ALDH2: variants seen among roughly 807,000 people sequenced by gnomAD.
The protein encoded by ALDH2 is aldehyde dehydrogenase, mitochondrial.
In ALDH2, 44 loss-of-function variants were observed where a neutral mutation model predicts 59.6. The observed-to-expected ratio is 0.74, with a 90% confidence interval of 0.58 to 0.95. The LOEUF (loss-of-function observed/expected upper bound fraction) is 0.95. ALDH2 is among the 40% of genes least tolerant of loss of function. The pLI is 0.00. For missense variants in ALDH2, 570 were observed against 696.3 expected (o/e 0.82, Z 2.04); for synonymous variants, 291 against 284.0 (o/e 1.02, Z -0.25).
Position 111,809,574 on chromosome 12 carries a change from A to G in ALDH2, c.1553A>G (p.Ter518=), listed in dbSNP as rs1401445465. ...VTVKVPQKNS[*] ...GTCAAAGTGCCTCAGAAGAACTCAT[A>G]AGAATCATGCAAGCTTCCTCCCTCA... Residue 518 remains the stop codon, a stop_retained_variant, in exon 13 of 13, where the codon TAA becomes TGA. Coordinates refer to ENST00000261733, the MANE Select transcript of ALDH2 (RefSeq NM_000690.4). 6.2e-7 allele frequency: 1 copy of G among 1,614,168 alleles called. No homozygotes were observed.
chr12:111,776,329 T>G (rs1476557568), intron 1 of ALDH2, among the ~76,000 whole-genome samples: 6 of 152,174 alleles, frequency 3.9e-5, no homozygotes, highest in Non-Finnish European at 8.8e-5. Flanking sequence ...CAGGACCCCC[T>G]GCGGGCAAGG....
Position 111,807,285 on chromosome 12 carries a change from GA to G in ALDH2, c.1522-2247del, listed in dbSNP as rs1434243616. On this transcript the variant is annotated intron_variant, in intron 12 of 12. Transcript: ENST00000261733. ...CTCAAAAACAAAACAAAACAAAACG[GA>G]AAAAAAAAAACAGTAGAATGAGCCT... 6.7e-3 allele frequency among the ~76,000 whole-genome samples: 953 copies of G among 142,762 alleles called. 13 individuals are homozygous for G. The highest frequency in any genetic ancestry group is 0.022 in the African/African-American group (855 of 39,164). 93.7% of individuals were successfully genotyped at this position (142,762 alleles called of 152,430 possible). A position where few individuals can be genotyped will look rare whatever the true frequency, so the allele number is the denominator to read the frequency against.
chr12:111,771,576 A>C (rs2068200238), intron 1 of ALDH2, among the ~76,000 whole-genome samples: 1 of 152,232 alleles, frequency 6.6e-6, no homozygotes, highest in African/African-American at 2.4e-5. Context: ...TGTATCTCAA[A>C]AACAATATGT....
intron 11 of ALDH2, among the ~76,000 whole-genome samples, chr12:111,800,311 A>G (rs2068441124): frequency 6.6e-6 from 1 of 152,246 alleles, no homozygotes; most frequent in Admixed American, 6.5e-5. Context: ...CAGCTGCCTC[A>G]GGGCAGGAGA....
At position 111,816,740 on chromosome 12, in the gene ALDH2, T is replaced by C. The variant is rs1303586918; in HGVS notation, c.*7165T>C. 6.6e-6 allele frequency: 1 copy of C among 152,176 alleles called. No homozygotes were observed. Among genetic ancestry groups the C allele is most frequent in the Non-Finnish European group, 1.5e-5 (1 of 68,028 alleles). The allele number at this position is 152,176 out of a possible 1,614,324, so 9.4% of individuals were successfully genotyped here. A position where few individuals can be genotyped will look rare whatever the true frequency, so the allele number is the denominator to read the frequency against. ...ACAACATTATTCCAAGGACTACATA[T>C]AAGATGTTAATGTGGTGCTTTAGAC... On this transcript the variant is annotated 3_prime_UTR_variant, in exon 13 of 13. Coordinates refer to ENST00000261733, the MANE Select transcript of ALDH2 (RefSeq NM_000690.4).
intron 1 of ALDH2, among the ~76,000 whole-genome samples, chr12:111,773,850 A>G (rs1455775815): frequency 6.6e-6 from 1 of 152,240 alleles, no homozygotes; most frequent in Non-Finnish European, 1.5e-5. Flanking sequence ...GTAAATATTT[A>G]TTGAATAATG....
intron 1 of ALDH2, 131 bp downstream of exon 1, chr12:111,767,227 G>A: frequency 2.9e-6 from 2 of 683,374 alleles, no homozygotes; most frequent in Non-Finnish European, 4.5e-6. Context: ...AGGCTGACCT[G>A]GAAGCACATC....
intron 1 of ALDH2, 96 bp from the exon 2 acceptor site, chr12:111,781,822 T>G: frequency 1.1e-6 from 1 of 879,606 alleles, no homozygotes. Flanking sequence ...AATTAATTCA[T>G]ATTTGCTTTT....
intron 1 of ALDH2, among the ~76,000 whole-genome samples, chr12:111,769,599 A>G (rs376794079): frequency 1.5e-4 from 23 of 151,328 alleles, no homozygotes; most frequent in African/African-American, 5.1e-4. Context: ...CATAAATGAG[A>G]TGCAACCACT....
rs759563266 is a variant in ALDH2, at chr12:111,792,632, G to C, written c.933G>C (p.Leu311=). 6.2e-7 allele frequency: 1 copy of C among 1,612,978 alleles called. No homozygotes were observed. Among genetic ancestry groups the C allele is most frequent in the Non-Finnish European group, 8.5e-7 (1 of 1,179,812 alleles). Residue 311 remains leucine, a synonymous_variant, in exon 9 of 13, where the codon CTG becomes CTC. Transcript: ENST00000261733. ...CCGTGGAACAGGCCCACTTCGCCCT[G>C]TTCTTCAACCAGGGCCAGTGCTGCT... ...DWAVEQAHFA[L]FFNQGQCCCA...
At chr12:111,785,805 C>T (rs1163170956) in intron 4 of ALDH2, among the ~76,000 whole-genome samples, 1 of 152,156 alleles carries the variant, frequency 6.6e-6, no homozygotes, top group Non-Finnish European at 1.5e-5. Flanking sequence ...ATTTAGACTC[C>T]AGCTCATGGG....
rs1052140419 is a variant in ALDH2 at position 111,781,942 on chromosome 12, G to A, written c.139G>A (p.Asp47Asn). 3.1e-6 allele frequency: 5 copies of A among 1,613,540 alleles called. No individual in the cohort carries two copies. Among genetic ancestry groups the A allele is most frequent in the Admixed American group, 1.7e-5 (1 of 59,966 alleles). The stretch of plus-strand genomic sequence containing the variant: ...GATTTTCATAAACAATGAATGGCAC[G>A]ATGCCGTCAGCAGGAAAACATTCCC... ...NQIFINNEWH[D>N]AVSRKTFPTV... Residue 47 changes from aspartate to asparagine, a missense_variant, in exon 2 of 13, where the codon GAT becomes AAT. Coordinates refer to ENST00000261733, the MANE Select transcript of ALDH2 (RefSeq NM_000690.4).
intron 12 of ALDH2, among the ~76,000 whole-genome samples, chr12:111,804,554 C>G (rs1302961940): frequency 6.6e-6 from 1 of 152,052 alleles, no homozygotes; most frequent in Admixed American, 6.5e-5. Context: ...TTGAGACCAG[C>G]CTGACCAACA....
chr12:111,800,675 T>C (rs1325667094), intron 11 of ALDH2, among the ~76,000 whole-genome samples: 2 of 152,096 alleles, frequency 1.3e-5, no homozygotes, highest in African/African-American at 4.8e-5. Context: ...TTTTAAAGTA[T>C]TGGTAAGGAT....
At chr12:111,803,837 G>T in intron 11 of ALDH2, 22 bp from the exon 12 acceptor site, 3 of 1,571,238 alleles carry the variant, frequency 1.9e-6, no homozygotes, top group Non-Finnish European at 2.6e-6. Flanking sequence ...AGTGATTTCT[G>T]CAATCTCGTT....
chr12:111,811,360 T>C lies in ALDH2; in HGVS notation c.*1785T>C, dbSNP rs992717210. Reference sequence around the variant, plus strand: ...GAGAAACTCCGTCTCAAAATATAAATAAATAAGAAAAAGAAGAAATGGAAG... The same window carrying C: ...GAGAAACTCCGTCTCAAAATATAAACAAATAAGAAAAAGAAGAAATGGAAG... On this transcript the variant is annotated 3_prime_UTR_variant, in exon 13 of 13. Transcript: ENST00000261733. 1 of 150,856 alleles carries C rather than the reference T, an allele frequency of 6.6e-6. No individual in the cohort carries two copies. Among genetic ancestry groups the C allele is most frequent in the Non-Finnish European group, 1.5e-5 (1 of 67,812 alleles). 9.3% of individuals were successfully genotyped at this position (150,856 alleles called of 1,614,324 possible). A position where few individuals can be genotyped will look rare whatever the true frequency, so the allele number is the denominator to read the frequency against.
rs747227657 is a variant in ALDH2 at position 111,803,927 on chromosome 12, G to A, written c.1475G>A (p.Arg492Gln). 8 of 1,613,000 alleles carry A rather than the reference G, an allele frequency of 5.0e-6. No individual in the cohort carries two copies. Among genetic ancestry groups the A allele is most frequent in the Middle Eastern group, 1.6e-4 (1 of 6,062 alleles). The stretch of plus-strand genomic sequence containing the variant: ...GGCTACAAGATGTCGGGGAGTGGCC[G>A]GGAGTTGGGCGAGTACGGGCTGCAG... ...FGGYKMSGSG[R>Q]ELGEYGLQAY... The change falls in exon 12 of 13, where the codon CGG becomes CAG. Residue 492 changes from arginine to glutamine, a missense_variant. Arg to Gln is a conservative substitution (Grantham distance 43, BLOSUM62 1). Transcript: ENST00000261733.
Position 111,796,990 on chromosome 12 carries a change from GTC to G in ALDH2, c.1084-1084_1084-1083del, listed in dbSNP as rs1235695268. 4.1e-5 allele frequency among the ~76,000 whole-genome samples: 6 copies of G among 146,528 alleles called. No individual in the cohort carries two copies. The South Asian group carries it at 1.3e-3, about 31-fold the overall frequency. Reference sequence around the variant, plus strand: ...TTTTTTTTTTTTTTTTTGAGACGAAGTCTCTGTTGCCAGAGCTGGAGTGCAAT... The same window carrying G: ...TTTTTTTTTTTTTTTTTGAGACGAAGTCTGTTGCCAGAGCTGGAGTGCAAT... On this transcript the variant is annotated intron_variant, in intron 9 of 12. Coordinates refer to ENST00000261733, the MANE Select transcript of ALDH2 (RefSeq NM_000690.4).
At chr12:111,806,278 C>G (rs1368344421) in intron 12 of ALDH2, among the ~76,000 whole-genome samples, 5 of 151,274 alleles carry the variant, frequency 3.3e-5, no homozygotes, top group Non-Finnish European at 5.9e-5. Context: ...GATCGCACCA[C>G]TGCACTCCAG....
Sources: allele counts gnomAD v4.1 joint callset (sites outside exome capture counted in the v4.1 genomes callset), GRCh38; gene constraint gnomAD v4.1.1; transcripts MANE v1.5; gene names NCBI Gene and HGNC (gene_info 2026-07-23, HGNC 2026-07-21).